Variants in EPHA6 observed in about 807,000 individuals in gnomAD.
The protein encoded by EPHA6 is ephrin type-A receptor 6.
A neutral mutation model predicts 112.0 loss-of-function variants in EPHA6; 50 were observed. The ratio of observed to expected loss-of-function variants is 0.45; its 90% CI spans 0.36 to 0.56. EPHA6 has a LOEUF of 0.56. Among genes scored for constraint, EPHA6 ranks in the 20% least tolerant of loss-of-function variants. The probability of loss-of-function intolerance (pLI) is 0.00; values close to 1 mark genes in which losing one functional copy is unlikely to be tolerated. For synonymous variants in EPHA6, 529 were observed against 490.7 expected (o/e 1.08, Z -1.03); for missense variants, 1,280 against 1,417.4 (o/e 0.90, Z 1.56).
chr3:97,694,977 T>C (rs1338581645), intron 14 of EPHA6, among the ~76,000 whole-genome samples: 1 of 152,238 alleles, frequency 6.6e-6, no homozygotes, highest in Non-Finnish European at 1.5e-5. Flanking sequence ...TGGTATTCCA[T>C]CAAAATGTGT....
chr3:97,734,240 T>C (rs1348260243), intron 15 of EPHA6, among the ~76,000 whole-genome samples: 1 of 152,084 alleles, frequency 6.6e-6, no homozygotes, highest in Non-Finnish European at 1.5e-5. Context: ...AACTGGAAAA[T>C]TGACTATCAA....
intron 10 of EPHA6, among the ~76,000 whole-genome samples, chr3:97,512,234 T>C (rs2092378060): frequency 6.6e-6 from 1 of 152,174 alleles, no homozygotes; most frequent in Non-Finnish European, 1.5e-5. Flanking sequence ...TCAACAATTC[T>C]CAATCATGGT....
At chr3:97,386,688 G>C (rs941535277) in intron 5 of EPHA6, among the ~76,000 whole-genome samples, 9 of 152,158 alleles carry the variant, frequency 5.9e-5, no homozygotes, top group African/African-American at 2.2e-4. Context: ...GAGGATGGTG[G>C]CCCACTTCTC....
chr3:97,726,405 A>G (rs2034771415), intron 15 of EPHA6, among the ~76,000 whole-genome samples: 1 of 152,148 alleles, frequency 6.6e-6, no homozygotes, highest in Non-Finnish European at 1.5e-5. Flanking sequence ...TATTCGCAAA[A>G]TAATGTGGAT....
At chr3:97,335,918 C>A (rs1455788448) in intron 5 of EPHA6, among the ~76,000 whole-genome samples, 1 of 151,860 alleles carries the variant, frequency 6.6e-6, no homozygotes, top group African/African-American at 2.4e-5. Flanking sequence ...AAGCTGTGCT[C>A]TTGTGCTGAG....
chr3:97,114,979 G>A (rs970930265), intron 3 of EPHA6, among the ~76,000 whole-genome samples: 1 of 151,938 alleles, frequency 6.6e-6, no homozygotes, highest in Non-Finnish European at 1.5e-5. Context: ...TATTTGAGCA[G>A]ATCCTAGATA....
intron 3 of EPHA6, among the ~76,000 whole-genome samples, chr3:97,017,881 CCTAT>C (rs1488532617): frequency 6.6e-6 from 1 of 151,890 alleles, no homozygotes; most frequent in Non-Finnish European, 1.5e-5. Context: ...ACTTTCTATG[CCTAT>C]CTTTTTCTCT....
rs1274506895 is a variant in EPHA6 at position 97,328,010 on chromosome 3, T to C, written c.1607-77140T>C. Among the ~76,000 whole-genome samples the C allele has an allele frequency of 6.3e-4, 85 of 135,728 alleles. 2 individuals are homozygous for C. Among genetic ancestry groups the C allele is most frequent in the African/African-American group, 2.4e-3 (77 of 31,906 alleles). 89.0% of individuals were successfully genotyped at this position (135,728 alleles called of 152,430 possible). On this transcript the variant is annotated intron_variant, in intron 5 of 17. Coordinates refer to ENST00000389672, the MANE Select transcript of EPHA6 (RefSeq NM_001080448.3). ...ATATGTATATGTGTATGTATATGTA[T>C]ATGTGTATATATGTATATGTGTATA...
intron 3 of EPHA6, among the ~76,000 whole-genome samples, chr3:97,178,198 T>TAAAC (rs149102059): frequency 1.3e-5 from 2 of 152,032 alleles, no homozygotes; most frequent in African/African-American, 4.8e-5. Context: ...ACTATTTGCA[T>TAAAC]AAACAAACAA....
At chr3:97,543,014 G>A (rs2092888161) in intron 11 of EPHA6, among the ~76,000 whole-genome samples, 1 of 152,186 alleles carries the variant, frequency 6.6e-6, no homozygotes, top group African/African-American at 2.4e-5. Flanking sequence ...CAGATGAATA[G>A]ATTGCAAAAA....
At chr3:97,641,112 A>G (rs2093999853) in intron 14 of EPHA6, among the ~76,000 whole-genome samples, 1 of 152,234 alleles carries the variant, frequency 6.6e-6, no homozygotes, top group Non-Finnish European at 1.5e-5. Context: ...AATCCCTATT[A>G]GAGATGACCT....
intron 3 of EPHA6, among the ~76,000 whole-genome samples, chr3:97,100,803 A>G (rs1054862222): frequency 3.3e-5 from 5 of 151,942 alleles, no homozygotes; most frequent in Non-Finnish European, 5.9e-5. Flanking sequence ...AAATGTCTGT[A>G]TATTTTTGAC....
At chr3:97,523,989 G>T (rs553763373) in intron 10 of EPHA6, among the ~76,000 whole-genome samples, 1 of 152,024 alleles carries the variant, frequency 6.6e-6, no homozygotes, top group East Asian at 1.9e-4. Flanking sequence ...TGTCCCTAAA[G>T]CTAAAATAAG....
chr3:97,735,943 G>C lies in EPHA6; in HGVS notation c.2953G>C (p.Glu985Gln), dbSNP rs1318242766. ...CATTTAGGTCATTCTGTCCATTGAA[G>C]AAGGGTACAGACTTCCAGCTCCCAT... ...SNQDVILSIE[E>Q]GYRLPAPMGC... Residue 985 changes from glutamate (E) to glutamine (Q), a missense_variant, in exon 16 of 18, where the codon GAA (glutamate) becomes CAA (glutamine). By Grantham distance (29) the Glu-to-Gln change is conservative. Transcript: ENST00000389672. 2 of 1,609,126 alleles carry C rather than the reference G, an allele frequency of 1.2e-6. No homozygotes were observed. The highest frequency in any genetic ancestry group is 3.4e-5 in the Admixed American group (2 of 59,644).
At chr3:96,998,783 T>C (rs2043519322) in intron 3 of EPHA6, among the ~76,000 whole-genome samples, 1 of 151,794 alleles carries the variant, frequency 6.6e-6, no homozygotes, top group Admixed American at 6.6e-5. Flanking sequence ...GAAAGATTGC[T>C]TTCTTTTATT....
intron 14 of EPHA6, among the ~76,000 whole-genome samples, chr3:97,688,140 T>C (rs1164280709): frequency 6.6e-6 from 1 of 152,216 alleles, no homozygotes; most frequent in East Asian, 1.9e-4. Context: ...TAATATCAGT[T>C]ATGACTCTGT....
rs533631109 is a variant in EPHA6 at position 97,613,224 on chromosome 3, G to A, written c.2574+2370G>A. Among the ~76,000 whole-genome samples the A allele has an allele frequency of 6.6e-5, 10 of 151,966 alleles. No individual in the cohort carries two copies. The East Asian group carries it at 7.7e-4, about 12-fold the overall frequency. ...AGATACTCAACTCCCCATGACAAGC[G>A]GAAATAAAATATATAAATATATATA... On this transcript the variant is annotated intron_variant, in intron 13 of 17. Coordinates refer to ENST00000389672, the MANE Select transcript of EPHA6 (RefSeq NM_001080448.3).
chr3:97,273,861 A>G (rs970486845), intron 5 of EPHA6, among the ~76,000 whole-genome samples: 1 of 152,120 alleles, frequency 6.6e-6, no homozygotes, highest in Admixed American at 6.5e-5. Flanking sequence ...GCCTCTACCC[A>G]TCCAGTGAAA....
chr3:97,599,064 C>G (rs1399250863), intron 12 of EPHA6, among the ~76,000 whole-genome samples: 2 of 152,140 alleles, frequency 1.3e-5, no homozygotes, highest in Non-Finnish European at 2.9e-5. Context: ...TAAATGTCTT[C>G]TTTTGAGAAG....
Sources: allele counts gnomAD v4.1 joint callset (sites outside exome capture counted in the v4.1 genomes callset), GRCh38; gene constraint gnomAD v4.1.1; transcripts MANE v1.5; gene names NCBI Gene and HGNC (gene_info 2026-07-23, HGNC 2026-07-21).